LIMS1: variants seen among roughly 807,000 people sequenced by gnomAD.
The protein encoded by LIMS1 is LIM zinc finger domain containing 1.
LIMS1 carries 18 observed loss-of-function variants against 44.1 expected under a neutral mutation model. That is an observed-to-expected ratio of 0.41 (90% CI 0.28 to 0.61). The LOEUF (loss-of-function observed/expected upper bound fraction) is 0.61. Ranked by LOEUF, LIMS1 falls within the 20% of genes least tolerant of loss-of-function variation. The pLI is 0.32. For missense variants in LIMS1, 201 were observed against 422.0 expected, an observed-to-expected ratio of 0.48 and a Z score of 4.59; for synonymous variants, 93 against 149.1, an observed-to-expected ratio of 0.62 and a Z score of 2.74.
intron 1 of LIMS1, among the ~76,000 whole-genome samples, chr2:108,538,494 G>C (rs1159001936): frequency 6.6e-6 from 1 of 152,198 alleles, no homozygotes. Flanking sequence ...TCAGCTGCTG[G>C]GAGTATGTGC....
chr2:108,565,673 G>T (rs942806394), intron 1 of LIMS1, among the ~76,000 whole-genome samples: 3 of 152,140 alleles, frequency 2.0e-5, no homozygotes, highest in African/African-American at 7.2e-5. Flanking sequence ...CTGTCTTAGT[G>T]CATTCCTGCT....
chr2:108,663,939 A>G (rs1691564756), intron 2 of LIMS1, among the ~76,000 whole-genome samples: 1 of 151,758 alleles, frequency 6.6e-6, no homozygotes, highest in African/African-American at 2.4e-5. Context: ...TTTTTATTAG[A>G]GACGGGGTTT....
At chr2:108,666,169 C>T (rs545712940) in intron 2 of LIMS1, among the ~76,000 whole-genome samples, 2 of 152,216 alleles carry the variant, frequency 1.3e-5, no homozygotes, top group African/African-American at 4.8e-5. Context: ...CTGATGCCAA[C>T]TGAAAGCCCC....
chr2:108,636,766 A>G (rs891338759), intron 1 of LIMS1, among the ~76,000 whole-genome samples: 6 of 152,208 alleles, frequency 3.9e-5, no homozygotes, highest in Non-Finnish European at 7.3e-5. Flanking sequence ...AACTGCTTTC[A>G]AAAACCATAG....
At chr2:108,572,675 C>T (rs959244875) in intron 1 of LIMS1, among the ~76,000 whole-genome samples, 7 of 152,268 alleles carry the variant, frequency 4.6e-5, no homozygotes, top group East Asian at 3.9e-4. Flanking sequence ...TGAGCCACTA[C>T]GCCCGGCCTG....
chr2:108,633,330 G>A (rs1175547276), intron 1 of LIMS1, among the ~76,000 whole-genome samples: 2 of 152,202 alleles, frequency 1.3e-5, no homozygotes, highest in Non-Finnish European at 2.9e-5. Flanking sequence ...CCATAGAAGA[G>A]TAAAAATGAC....
intron 1 of LIMS1, among the ~76,000 whole-genome samples, chr2:108,599,301 C>G (rs1263442981): frequency 6.6e-6 from 1 of 152,172 alleles, no homozygotes; most frequent in Admixed American, 6.5e-5. Flanking sequence ...GTTTGTCTTT[C>G]TGTGCCTGGC....
chr2:108,612,097 T>G (rs1687690642), intron 1 of LIMS1, among the ~76,000 whole-genome samples: 2 of 149,694 alleles, frequency 1.3e-5, no homozygotes, highest in Non-Finnish European at 1.5e-5. Context: ...AAGAGTGAGT[T>G]TTTTCTCTTG....
At chr2:108,550,858 T>G (rs928182090) in intron 1 of LIMS1, among the ~76,000 whole-genome samples, 2 of 145,414 alleles carry the variant, frequency 1.4e-5, no homozygotes, top group African/African-American at 5.2e-5. Flanking sequence ...CAGTGGCTCA[T>G]GCCTGTAATC....
chr2:108,538,566 T>C (rs1446754239), intron 1 of LIMS1, among the ~76,000 whole-genome samples: 11 of 152,184 alleles, frequency 7.2e-5, no homozygotes, highest in African/African-American at 2.2e-4. Flanking sequence ...TTTCAGGATG[T>C]CTGAGTAGCA....
At chr2:108,547,420 T>C (rs889597518) in intron 1 of LIMS1, among the ~76,000 whole-genome samples, 8 of 152,178 alleles carry the variant, frequency 5.3e-5, no homozygotes, top group African/African-American at 1.9e-4. Flanking sequence ...GTGGACACTC[T>C]CTTGGGTGGG....
chr2:108,666,937 C>T (rs1404925602), intron 2 of LIMS1, among the ~76,000 whole-genome samples: 1 of 152,126 alleles, frequency 6.6e-6, no homozygotes, highest in African/African-American at 2.4e-5. Context: ...GGAAACTACA[C>T]TGTGTTCAGC....
intron 1 of LIMS1, among the ~76,000 whole-genome samples, chr2:108,617,043 C>T (rs1031547371): frequency 2.0e-5 from 3 of 152,128 alleles, no homozygotes; most frequent in African/African-American, 7.2e-5. Flanking sequence ...TTATGTCACA[C>T]AGGGAAATTA....
intron 1 of LIMS1, among the ~76,000 whole-genome samples, chr2:108,631,027 C>T (rs1189230862): frequency 6.6e-6 from 1 of 152,174 alleles, no homozygotes; most frequent in African/African-American, 2.4e-5. Context: ...TTTGATTTTT[C>T]AGACAATTAA....
intron 5 of LIMS1, 53 bp from the exon 6 acceptor site, chr2:108,675,825 G>A (rs1172247411): frequency 8.1e-6 from 13 of 1,610,406 alleles, no homozygotes; most frequent in Admixed American, 1.7e-5. Flanking sequence ...TAGCCCCATT[G>A]GTTGGCCACT....
rs148914439 is a variant in LIMS1, at chr2:108,583,585, G to C, written c.32+48991G>C. 1.1e-3 allele frequency among the ~76,000 whole-genome samples: 167 copies of C among 152,182 alleles called. 3 individuals are homozygous for C. Among genetic ancestry groups the C allele is most frequent in the African/African-American group, 3.9e-3 (162 of 41,524 alleles). On this transcript the variant is annotated intron_variant, in intron 1 of 9. Transcript: ENST00000544547. ...ATCCCAGATTTTTTTAAAGTCCCGGGAGGAAAAGATACGCAAGTGTATTGG... is the reference window on the plus strand; with the variant it reads ...ATCCCAGATTTTTTTAAAGTCCCGGCAGGAAAAGATACGCAAGTGTATTGG...
chr2:108,672,994 C>T (rs1361701964), exon 5 of LIMS1: 2 of 1,349,808 alleles, frequency 1.5e-6, no homozygotes, highest in Admixed American at 4.5e-5. Context: ...AGAACGACCC[C>T]TACCATCCAG....
At chr2:108,562,720 C>T (rs1226173715) in intron 1 of LIMS1, among the ~76,000 whole-genome samples, 1 of 152,214 alleles carries the variant, frequency 6.6e-6, no homozygotes. Flanking sequence ...GTAGAAGGTG[C>T]ACCAAGTTAT....
At chr2:108,634,359 A>G (rs10496424) in intron 1 of LIMS1, among the ~76,000 whole-genome samples, 2,733 of 152,324 alleles carry the variant, frequency 0.018, 46 homozygotes, top group African/African-American at 0.039. Context: ...TAATGAGGAA[A>G]GAGAAGAAAT....
Sources: gnomAD v4.1 joint callset for allele counts (sites outside exome capture counted in the v4.1 genomes callset) on GRCh38, gnomAD v4.1.1 for gene constraint, MANE v1.5 for transcripts, NCBI Gene and HGNC (gene_info 2026-07-23, HGNC 2026-07-21) for gene names.